ATOSA: variants seen among roughly 807,000 people sequenced by gnomAD.
The protein encoded by ATOSA is atos homolog A.
the ATOSA span, among the ~76,000 whole-genome samples, chr15:52,629,910 A>G: frequency 1.3e-5 from 2 of 152,204 alleles, no homozygotes; most frequent in African/African-American, 4.8e-5. Context: ...AACAAAACAA[A>G]TGAAGTAGAA....
chr15:52,597,220 A>G, the ATOSA span, among the ~76,000 whole-genome samples: 21 of 4,978 alleles, frequency 4.2e-3, 1 homozygote, highest in Middle Eastern at 0.045. Context: ...ATTCTATTCT[A>G]TTCTATTCTA....
At chr15:52,632,606 T>C in the ATOSA span, among the ~76,000 whole-genome samples, 3 of 152,192 alleles carry the variant, frequency 2.0e-5, no homozygotes, top group East Asian at 1.9e-4. Flanking sequence ...TTTGCTATGA[T>C]AGGAATTATT....
At chr15:52,660,088 G>T in the ATOSA span, among the ~76,000 whole-genome samples, 2 of 152,116 alleles carry the variant, frequency 1.3e-5, no homozygotes, top group Admixed American at 1.3e-4. Flanking sequence ...TGTATTTCAT[G>T]AAACTCACTG....
the ATOSA span, among the ~76,000 whole-genome samples, chr15:52,632,034 G>T: frequency 0.55 from 84,128 of 152,056 alleles, 27,326 homozygotes; most frequent in Non-Finnish European, 0.73. Flanking sequence ...GGCTGACAGT[G>T]CTGGGATTAC....
chr15:52,661,345 G>T, the ATOSA span, among the ~76,000 whole-genome samples: 1 of 152,292 alleles, frequency 6.6e-6, no homozygotes, highest in African/African-American at 2.4e-5. Flanking sequence ...CATTTCTGGT[G>T]CCAGAACCTA....
At chr15:52,707,984 T>C in the ATOSA span, among the ~76,000 whole-genome samples, 25 of 152,316 alleles carry the variant, frequency 1.6e-4, no homozygotes, top group East Asian at 4.8e-3. Flanking sequence ...ATTCCTGTCA[T>C]AGAAACCTTA....
chr15:52,670,372 G>A, the ATOSA span, among the ~76,000 whole-genome samples: 4 of 152,178 alleles, frequency 2.6e-5, no homozygotes, highest in Admixed American at 1.3e-4. Context: ...CAAGGCTTAA[G>A]GTTGACGGTA....
the ATOSA span, chr15:52,584,694 A>T: frequency 6.6e-7 from 1 of 1,517,580 alleles, no homozygotes. Context: ...AAAAACTAAA[A>T]ATTTTAGAGT....
the ATOSA span, among the ~76,000 whole-genome samples, chr15:52,675,893 G>T: frequency 1.1e-3 from 171 of 148,800 alleles, 3 homozygotes; most frequent in South Asian, 0.034. Flanking sequence ...GCGACAGAGC[G>T]AGACTCCGTC....
the ATOSA span, chr15:52,611,252 A>T: frequency 2.5e-6 from 4 of 1,610,634 alleles, no homozygotes; most frequent in Admixed American, 3.4e-5. Context: ...ATCGGTCACC[A>T]TTCCTAAGGA....
the ATOSA span, among the ~76,000 whole-genome samples, chr15:52,630,108 T>A: frequency 6.6e-6 from 1 of 152,206 alleles, no homozygotes; most frequent in African/African-American, 2.4e-5. Flanking sequence ...GACTCCCATC[T>A]TTCAAACATC....
At chr15:52,612,668 C>A in the ATOSA span, among the ~76,000 whole-genome samples, 8 of 151,810 alleles carry the variant, frequency 5.3e-5, no homozygotes, top group Non-Finnish European at 1.2e-4. Flanking sequence ...CCACACCCAG[C>A]GAAGTTTTGT....
chr15:52,628,776 A>C, the ATOSA span, among the ~76,000 whole-genome samples: 1 of 152,228 alleles, frequency 6.6e-6, no homozygotes, highest in Non-Finnish European at 1.5e-5. Flanking sequence ...ATTTTAACTG[A>C]AGTGCCATGA....
the ATOSA span, among the ~76,000 whole-genome samples, chr15:52,604,218 G>A: frequency 1.5e-4 from 23 of 152,274 alleles, no homozygotes; most frequent in African/African-American, 4.8e-4. Flanking sequence ...TCAAGAGATC[G>A]AGAACATCCT....
At chr15:52,701,724 A>T in the ATOSA span, among the ~76,000 whole-genome samples, 1 of 152,230 alleles carries the variant, frequency 6.6e-6, no homozygotes, top group Non-Finnish European at 1.5e-5. Context: ...CCATCATAAG[A>T]ATCTAAAATT....
At chr15:52,629,042 A>T in the ATOSA span, among the ~76,000 whole-genome samples, 4 of 152,196 alleles carry the variant, frequency 2.6e-5, no homozygotes, top group Non-Finnish European at 5.9e-5. Flanking sequence ...TCAAATTCTT[A>T]ATTACAGAAA....
At chr15:52,584,659 C>G in the ATOSA span, 1 of 1,151,690 alleles carries the variant, frequency 8.7e-7, no homozygotes, top group Admixed American at 2.5e-5. Flanking sequence ...GGACACTGGT[C>G]TAGTTAGAGT....
the ATOSA span, chr15:52,610,301 G>A: frequency 3.7e-6 from 6 of 1,614,022 alleles, no homozygotes; most frequent in South Asian, 5.5e-5. Context: ...GCAACATTGT[G>A]AGAAACATTG....
chr15:52,652,562 A>G, the ATOSA span, among the ~76,000 whole-genome samples: 1 of 152,180 alleles, frequency 6.6e-6, no homozygotes, highest in South Asian at 2.1e-4. Context: ...AACCTGTTAC[A>G]TATTTAAAAT....
Sources: gnomAD v4.1 joint callset for allele counts (sites outside exome capture counted in the v4.1 genomes callset) on GRCh38, gnomAD v4.1.1 for gene constraint, MANE v1.5 for transcripts, NCBI Gene and HGNC (gene_info 2026-07-23, HGNC 2026-07-21) for gene names.